The following CTNND2 variants were observed in gnomAD, a reference collection of about 807,000 sequenced individuals.
CTNND2 encodes catenin delta 2.
Under a neutral mutation model 144.4 loss-of-function variants are expected in CTNND2, and 22 were observed. The ratio of observed to expected loss-of-function variants is 0.15; its 90% CI spans 0.11 to 0.22. The LOEUF (loss-of-function observed/expected upper bound fraction) is 0.22. CTNND2 is among the 10% of genes least tolerant of loss of function. CTNND2 has a pLI of 1.00. For synonymous variants in CTNND2, 751 were observed against 695.6 expected (o/e 1.08, Z -1.25); for missense variants, 1,353 against 1,618.8 (o/e 0.84, Z 2.82).
In CTNND2 at chr5:11,533,236, A is replaced by G. The variant is rs1773915639; in HGVS notation, c.287+31708T>C. Reference sequence around the variant, plus strand: ...CGCAAGACTTCCAATGCAAATATGTAAAGCATATTTTCTAGGAAACAACAT... The same window carrying G: ...CGCAAGACTTCCAATGCAAATATGTGAAGCATATTTTCTAGGAAACAACAT... On this transcript the variant is annotated intron_variant, in intron 3 of 21. Transcript: ENST00000304623. Among the ~76,000 whole-genome samples, 4 of 152,234 alleles carry G rather than the reference A, an allele frequency of 2.6e-5. No individual in the cohort carries two copies. In the South Asian group the frequency reaches 8.3e-4, roughly 32 times the overall value.
intron 3 of CTNND2, among the ~76,000 whole-genome samples, chr5:11,510,337 T>A (rs539490932): frequency 6.6e-6 from 1 of 152,292 alleles, no homozygotes; most frequent in South Asian, 2.1e-4. Context: ...TCACTTAAAA[T>A]CTTGTTAAAT....
At chr5:11,759,435 G>A (rs541609985) in intron 1 of CTNND2, among the ~76,000 whole-genome samples, 91 of 152,148 alleles carry the variant, frequency 6.0e-4, no homozygotes, top group African/African-American at 2.2e-3. Context: ...AAATCAATAT[G>A]ATGTTTCTTT....
At chr5:11,029,346 C>A (rs1743204728) in intron 16 of CTNND2, among the ~76,000 whole-genome samples, 1 of 152,052 alleles carries the variant, frequency 6.6e-6, no homozygotes, top group Non-Finnish European at 1.5e-5. Flanking sequence ...TGCCTTGTAG[C>A]TTTTTTGTTT....
intron 2 of CTNND2, among the ~76,000 whole-genome samples, chr5:11,623,993 G>T (rs1302879550): frequency 6.6e-6 from 1 of 151,346 alleles, no homozygotes; most frequent in African/African-American, 2.4e-5. Context: ...CAGAAATGTA[G>T]CAAAGATATT....
At chr5:11,138,166 T>A (rs1360709427) in intron 12 of CTNND2, among the ~76,000 whole-genome samples, 2 of 152,182 alleles carry the variant, frequency 1.3e-5, no homozygotes, top group Admixed American at 1.3e-4. Context: ...GCGTGTGGCC[T>A]CCTTTCTCCA....
intron 2 of CTNND2, among the ~76,000 whole-genome samples, chr5:11,673,852 T>C (rs1784031080): frequency 6.6e-6 from 1 of 152,226 alleles, no homozygotes; most frequent in Non-Finnish European, 1.5e-5. Context: ...CATATGAGTC[T>C]TAAATCAGAG....
chr5:11,847,335 C>T (rs2126996547), intron 1 of CTNND2, among the ~76,000 whole-genome samples: 1 of 151,568 alleles, frequency 6.6e-6, no homozygotes, highest in Admixed American at 6.6e-5. Flanking sequence ...CTGTTATTTG[C>T]AGCAACACAG....
At chr5:11,502,046 A>G (rs1177793992) in intron 3 of CTNND2, among the ~76,000 whole-genome samples, 1 of 137,620 alleles carries the variant, frequency 7.3e-6, no homozygotes. Context: ...AAAAAAAAAA[A>G]AAAAAAAGAA....
chr5:11,017,018 C>A (rs962425675), intron 18 of CTNND2, among the ~76,000 whole-genome samples: 1 of 151,984 alleles, frequency 6.6e-6, no homozygotes, highest in Non-Finnish European at 1.5e-5. Context: ...CTCAGGTGAT[C>A]TGCCTACCTC....
At chr5:11,551,383 C>T (rs923502445) in intron 3 of CTNND2, among the ~76,000 whole-genome samples, 2 of 151,378 alleles carry the variant, frequency 1.3e-5, no homozygotes, top group Non-Finnish European at 2.9e-5. Flanking sequence ...TTTTTCACAG[C>T]AGCAACATAT....
At chr5:11,234,111 C>A (rs192471815) in intron 10 of CTNND2, among the ~76,000 whole-genome samples, 3 of 152,070 alleles carry the variant, frequency 2.0e-5, no homozygotes, top group Admixed American at 2.0e-4. Flanking sequence ...ATACAGGCAA[C>A]CTTGATGGCA....
intron 1 of CTNND2, among the ~76,000 whole-genome samples, chr5:11,793,056 AT>A (rs1791220676): frequency 6.6e-6 from 1 of 152,198 alleles, no homozygotes; most frequent in Admixed American, 6.5e-5. Flanking sequence ...AATTTTCATA[AT>A]TTTTTCCATA....
intron 2 of CTNND2, among the ~76,000 whole-genome samples, chr5:11,697,073 G>A (rs1358015533): frequency 6.6e-6 from 1 of 152,154 alleles, no homozygotes; most frequent in Non-Finnish European, 1.5e-5. Context: ...AACTGTTTTT[G>A]AAGACTGTTT....
At chr5:11,160,080 C>T (rs1758621454) in intron 11 of CTNND2, among the ~76,000 whole-genome samples, 1 of 152,166 alleles carries the variant, frequency 6.6e-6, no homozygotes, top group South Asian at 2.1e-4. Context: ...ACCCAAATTG[C>T]TAAATTCTAA....
chr5:11,076,458 C>G (rs1748964714), intron 16 of CTNND2, among the ~76,000 whole-genome samples: 2 of 152,196 alleles, frequency 1.3e-5, no homozygotes, highest in Admixed American at 6.5e-5. Flanking sequence ...ATTGTTTGCT[C>G]TTTTCACTGA....
chr5:11,400,201 A>G (rs1760514359), intron 5 of CTNND2, among the ~76,000 whole-genome samples: 1 of 152,042 alleles, frequency 6.6e-6, no homozygotes. Flanking sequence ...TCCTGAACCT[A>G]TGGAATCTAT....
intron 1 of CTNND2, among the ~76,000 whole-genome samples, chr5:11,842,706 C>T (rs1794533873): frequency 6.9e-6 from 1 of 144,428 alleles, no homozygotes; most frequent in African/African-American, 2.7e-5. Flanking sequence ...GTGACAGAGA[C>T]AGACTCGGTC....
chr5:11,513,663 A>T (rs1771862870), intron 3 of CTNND2, among the ~76,000 whole-genome samples: 1 of 152,042 alleles, frequency 6.6e-6, no homozygotes, highest in African/African-American at 2.4e-5. Context: ...TTTGAATTTG[A>T]TTTTCTAGCA....
intron 2 of CTNND2, among the ~76,000 whole-genome samples, chr5:11,691,663 G>A (rs1581728111): frequency 6.6e-6 from 1 of 152,222 alleles, no homozygotes; most frequent in East Asian, 1.9e-4. Context: ...CTGTTACTTT[G>A]GGAGGCTGAG....
Sources: gnomAD v4.1 joint callset for allele counts (sites outside exome capture counted in the v4.1 genomes callset) on GRCh38, gnomAD v4.1.1 for gene constraint, MANE v1.5 for transcripts, NCBI Gene and HGNC (gene_info 2026-07-23, HGNC 2026-07-21) for gene names.